Variants in RYR2 observed in about 807,000 individuals in gnomAD.
RYR2 encodes the protein ryanodine receptor 2, also known as cardiac muscle ryanodine receptor-calcium release channel.
A neutral mutation model predicts 601.1 loss-of-function variants in RYR2; 227 were observed. That is an observed-to-expected ratio of 0.38 (90% CI 0.34 to 0.42). The LOEUF (loss-of-function observed/expected upper bound fraction) is 0.42. Ranked by LOEUF, RYR2 falls within the 10% of genes least tolerant of loss-of-function variation. The probability of loss-of-function intolerance (pLI) is 1.00; values close to 1 mark genes in which losing one functional copy is unlikely to be tolerated. For missense variants in RYR2, 4,646 were observed against 6,156.5 expected (o/e 0.75, Z 8.21); for synonymous variants, 2,223 against 2,175.1 (o/e 1.02, Z -0.61).
chr1:237,612,244 A>C (rs965358758), intron 36 of RYR2, among the ~76,000 whole-genome samples: 9 of 152,170 alleles, frequency 5.9e-5, no homozygotes. Flanking sequence ...AAATCTTTAG[A>C]AACGAAAAGT....
chr1:237,270,640 A>G (rs1234152237), intron 2 of RYR2, 24 bp downstream of exon 2: 2 of 1,558,644 alleles, frequency 1.3e-6, no homozygotes, highest in Non-Finnish European at 8.7e-7. Flanking sequence ...TTTCAAGGCT[A>G]TTCAAATATG....
intron 58 of RYR2, among the ~76,000 whole-genome samples, chr1:237,670,160 G>A (rs1001997777): frequency 6.6e-6 from 1 of 151,676 alleles, no homozygotes; most frequent in Non-Finnish European, 1.5e-5. Context: ...GTGGCGGCGC[G>A]CGCCTGCAAT....
At chr1:237,511,854 A>AAAAAAC in intron 24 of RYR2, 63 bp downstream of exon 24, 1 of 985,494 alleles carries the variant, frequency 1.0e-6, no homozygotes, top group Non-Finnish European at 1.4e-6. Context: ...AAAAAAAAAA[A>AAAAAAC]AAAAACAGGT....
At chr1:237,710,068 G>A (rs1355892374) in intron 70 of RYR2, among the ~76,000 whole-genome samples, 5 of 152,158 alleles carry the variant, frequency 3.3e-5, no homozygotes, top group Admixed American at 2.6e-4. Flanking sequence ...CAATCCTGTT[G>A]ATAGAATTTC....
intron 24 of RYR2, among the ~76,000 whole-genome samples, chr1:237,516,731 C>T (rs1666587397): frequency 6.6e-6 from 1 of 152,190 alleles, no homozygotes; most frequent in Non-Finnish European, 1.5e-5. Flanking sequence ...ATTCATCCTG[C>T]TACACATGCC....
intron 2 of RYR2, among the ~76,000 whole-genome samples, chr1:237,289,400 A>C (rs1012706176): frequency 5.9e-5 from 9 of 152,190 alleles, no homozygotes; most frequent in African/African-American, 2.2e-4. Flanking sequence ...TTTATAAAGG[A>C]AAGATGTTTA....
chr1:237,733,661 A>G, intron 78 of RYR2, 44 bp from the exon 79 acceptor site: 10 of 1,346,858 alleles, frequency 7.4e-6, no homozygotes, highest in Non-Finnish European at 1.1e-5. Context: ...GCATGTGCCT[A>G]GCCTTCTGCT....
At chr1:237,818,973 G>A in intron 100 of RYR2, 63 bp from the exon 101 acceptor site, 3 of 1,482,428 alleles carry the variant, frequency 2.0e-6, no homozygotes, top group Non-Finnish European at 2.8e-6. Flanking sequence ...GATAACTCGG[G>A]TTTGTCGAGA....
intron 80 of RYR2, among the ~76,000 whole-genome samples, chr1:237,755,883 C>A (rs1183082696): frequency 6.6e-6 from 1 of 152,094 alleles, no homozygotes; most frequent in Non-Finnish European, 1.5e-5. Context: ...CAACTCGAGC[C>A]ATTTGCTGAG....
intron 1 of RYR2, among the ~76,000 whole-genome samples, chr1:237,135,532 AT>A (rs71178396): frequency 0.26 from 35,912 of 135,796 alleles, 4,553 homozygotes; most frequent in East Asian, 0.35. Context: ...ACCACACCTA[AT>A]TTTTTTTTTT....
At chr1:237,522,646 G>T (rs547843041) in intron 24 of RYR2, among the ~76,000 whole-genome samples, 2 of 152,240 alleles carry the variant, frequency 1.3e-5, no homozygotes, top group East Asian at 1.9e-4. Context: ...TTTACTTAGA[G>T]CTCAGTAAAT....
chr1:237,367,187 G>A lies in RYR2; in HGVS notation c.310-2347G>A, dbSNP rs559781634. ...CGGCTCACTGCAACCTCTGCCTCCC[G>A]GGTTCAAGCCATTCTTCTGTCTCAG... is the stretch of plus-strand genomic sequence containing the variant. On this transcript the variant is annotated intron_variant, in intron 5 of 104. Coordinates refer to ENST00000366574, the MANE Select transcript of RYR2 (RefSeq NM_001035.3). 1.2e-4 allele frequency among the ~76,000 whole-genome samples: 19 copies of A among 152,160 alleles called. No homozygotes were observed. The South Asian group carries it at 2.5e-3, about 20-fold the overall frequency.
rs575079840 is a variant in RYR2 at position 237,306,039 on chromosome 1, A to G, written c.169-24839A>G. On this transcript the variant is annotated intron_variant, in intron 2 of 104. Coordinates refer to ENST00000366574, the MANE Select transcript of RYR2 (RefSeq NM_001035.3). ...CAGAAATGTTGGCAATACATGAAAA[A>G]TTATGTCTTAACTACAATTTTACTA... is the stretch of plus-strand genomic sequence containing the variant. Among the ~76,000 whole-genome samples, 5 of 152,348 alleles carry G rather than the reference A, an allele frequency of 3.3e-5. No individual in the cohort carries two copies. In the East Asian group the frequency reaches 9.6e-4, roughly 29 times the overall value.
At chr1:237,826,021 G>A (rs1663049817) in intron 101 of RYR2, among the ~76,000 whole-genome samples, 1 of 152,174 alleles carries the variant, frequency 6.6e-6, no homozygotes, top group African/African-American at 2.4e-5. Flanking sequence ...AAGAACAGAT[G>A]CTGGAGAGGA....
At chr1:237,681,753 A>G (rs1685904231) in intron 62 of RYR2, among the ~76,000 whole-genome samples, 4 of 152,046 alleles carry the variant, frequency 2.6e-5, no homozygotes, top group Admixed American at 1.3e-4. Flanking sequence ...ACTGGGAGGG[A>G]GAGCAGCTCC....
intron 41 of RYR2, among the ~76,000 whole-genome samples, chr1:237,630,821 G>A (rs12123043): frequency 0.54 from 82,732 of 151,952 alleles, 26,393 homozygotes; most frequent in Non-Finnish European, 0.7. Context: ...ACCTAACACC[G>A]TTTCTTGAAA....
chr1:237,785,344 T>C (rs1268795232), intron 90 of RYR2, among the ~76,000 whole-genome samples: 1 of 152,224 alleles, frequency 6.6e-6, no homozygotes, highest in Non-Finnish European at 1.5e-5. Flanking sequence ...TGATTTTCTT[T>C]GGCATGTTTT....
chr1:237,270,489 C>CT lies in RYR2; in HGVS notation c.49-5dup. 1 of 1,569,892 alleles carries CT rather than the reference C, an allele frequency of 6.4e-7. No homozygotes were observed. Among genetic ancestry groups the CT allele is most frequent in the African/African-American group, 1.3e-5 (1 of 74,114 alleles). On this transcript the variant is annotated splice_region_variant and splice_polypyrimidine_tract_variant and intron_variant, in intron 1 of 104. Transcript: ENST00000366574. ...CTTATTTTTCCCTCTCTTTCTCCCC[C>CT]TTTGCAGGATGATGAAGTGGTTCTG...
At chr1:237,779,165 T>C (rs1694896331) in intron 88 of RYR2, among the ~76,000 whole-genome samples, 1 of 152,186 alleles carries the variant, frequency 6.6e-6, no homozygotes, top group East Asian at 1.9e-4. Context: ...GAGACAATTT[T>C]GTTACAGGGT....
Sources: gnomAD v4.1 joint callset for allele counts (sites outside exome capture counted in the v4.1 genomes callset) on GRCh38, gnomAD v4.1.1 for gene constraint, MANE v1.5 for transcripts, NCBI Gene and HGNC (gene_info 2026-07-23, HGNC 2026-07-21) for gene names.